CNTNAP2: variants seen among roughly 807,000 people sequenced by gnomAD.
CNTNAP2 encodes contactin associated protein 2.
A neutral mutation model predicts 155.2 loss-of-function variants in CNTNAP2; 98 were observed. The ratio of observed to expected loss-of-function variants is 0.63; its 90% CI spans 0.54 to 0.75. The LOEUF (loss-of-function observed/expected upper bound fraction) is 0.75. Ranked by LOEUF, CNTNAP2 falls within the 30% of genes least tolerant of loss-of-function variation. CNTNAP2 has a pLI of 0.00. For missense variants in CNTNAP2, 1,727 were observed against 1,688.1 expected (o/e 1.02, Z -0.40); for synonymous variants, 651 against 631.2 (o/e 1.03, Z -0.47).
At chr7:146,723,862 C>A (rs1801381712) in intron 1 of CNTNAP2, among the ~76,000 whole-genome samples, 1 of 152,028 alleles carries the variant, frequency 6.6e-6, no homozygotes, top group Non-Finnish European at 1.5e-5. Flanking sequence ...CATTTTGTTC[C>A]CAATGCTCAG....
At chr7:146,521,296 A>C (rs563530904) in intron 1 of CNTNAP2, among the ~76,000 whole-genome samples, 1 of 152,058 alleles carries the variant, frequency 6.6e-6, no homozygotes, top group South Asian at 2.1e-4. Flanking sequence ...GTGTTTCCAT[A>C]AAACTTTACT....
intron 13 of CNTNAP2, among the ~76,000 whole-genome samples, chr7:147,698,285 G>A (rs138110033): frequency 6.6e-6 from 1 of 152,220 alleles, no homozygotes; most frequent in East Asian, 1.9e-4. Context: ...TTATTTTTCA[G>A]TTATGGCTTT....
At chr7:147,604,535 A>C (rs1287905657) in intron 12 of CNTNAP2, among the ~76,000 whole-genome samples, 1 of 152,114 alleles carries the variant, frequency 6.6e-6, no homozygotes, top group Non-Finnish European at 1.5e-5. Context: ...GTTCTCAGCT[A>C]ATCTCTTGCC....
At chr7:147,272,291 C>T (rs1159189436) in intron 8 of CNTNAP2, among the ~76,000 whole-genome samples, 1 of 152,106 alleles carries the variant, frequency 6.6e-6, no homozygotes, top group African/African-American at 2.4e-5. Context: ...TTCCCGACTC[C>T]CTTACATAAT....
intron 8 of CNTNAP2, among the ~76,000 whole-genome samples, chr7:147,243,143 C>T (rs919713116): frequency 2.0e-5 from 3 of 151,226 alleles, no homozygotes; most frequent in African/African-American, 7.3e-5. Context: ...ACTACAGGGG[C>T]CCACCACCAC....
intron 19 of CNTNAP2, among the ~76,000 whole-genome samples, chr7:148,223,272 A>C (rs550228855): frequency 1.1e-4 from 17 of 152,054 alleles, no homozygotes; most frequent in African/African-American, 3.4e-4. Flanking sequence ...ACTTACTTTC[A>C]ATGTCATTTG....
At chr7:146,169,089 C>T (rs1467342896) in intron 1 of CNTNAP2, among the ~76,000 whole-genome samples, 4 of 152,196 alleles carry the variant, frequency 2.6e-5, no homozygotes, top group African/African-American at 9.6e-5. Context: ...TTGCCACTTT[C>T]TGCTATCAGT....
At chr7:147,518,242 A>G (rs1478167008) in intron 11 of CNTNAP2, among the ~76,000 whole-genome samples, 1 of 152,256 alleles carries the variant, frequency 6.6e-6, no homozygotes, top group African/African-American at 2.4e-5. Context: ...AACTTTCTAG[A>G]TAAATGGAAC....
At chr7:147,767,768 AC>A (rs1797405139) in intron 13 of CNTNAP2, among the ~76,000 whole-genome samples, 1 of 152,068 alleles carries the variant, frequency 6.6e-6, no homozygotes, top group African/African-American at 2.4e-5. Context: ...GAATTGGTGT[AC>A]TTTTCAGAGA....
At chr7:146,486,749 T>C (rs1414107396) in intron 1 of CNTNAP2, among the ~76,000 whole-genome samples, 1 of 152,200 alleles carries the variant, frequency 6.6e-6, no homozygotes, top group South Asian at 2.1e-4. Flanking sequence ...GCATATTCTT[T>C]TGGGAGAGCC....
intron 9 of CNTNAP2, among the ~76,000 whole-genome samples, chr7:147,368,512 A>G (rs938582247): frequency 7.2e-5 from 11 of 152,106 alleles, no homozygotes; most frequent in African/African-American, 2.7e-4. Context: ...TGTTCTGTAG[A>G]TGTTACAGAG....
At chr7:146,874,509 T>C (rs901683182) in intron 3 of CNTNAP2, among the ~76,000 whole-genome samples, 1 of 151,962 alleles carries the variant, frequency 6.6e-6, no homozygotes, top group Non-Finnish European at 1.5e-5. Flanking sequence ...CTGGCTAATT[T>C]TTGCATTTTT....
intron 23 of CNTNAP2, among the ~76,000 whole-genome samples, chr7:148,410,565 C>CAAAAA (rs56258191): frequency 1.2e-4 from 13 of 112,840 alleles, no homozygotes; most frequent in Admixed American, 2.2e-4. Context: ...AGACCTTTCT[C>CAAAAA]AAAAAAAAAA....
chr7:146,461,360 G>A (rs1293958256), intron 1 of CNTNAP2, among the ~76,000 whole-genome samples: 1 of 150,932 alleles, frequency 6.6e-6, no homozygotes, highest in Non-Finnish European at 1.5e-5. Flanking sequence ...AGCCAAGAGA[G>A]CACCACTGCA....
At chr7:146,330,011 T>C (rs1044730599) in intron 1 of CNTNAP2, among the ~76,000 whole-genome samples, 2 of 146,134 alleles carry the variant, frequency 1.4e-5, no homozygotes, top group Admixed American at 6.8e-5. Flanking sequence ...ACAAGTACTT[T>C]CTTTTTTTTT....
At chr7:148,312,292 G>C (rs1292623392) in intron 21 of CNTNAP2, among the ~76,000 whole-genome samples, 1 of 152,158 alleles carries the variant, frequency 6.6e-6, no homozygotes, top group African/African-American at 2.4e-5. Flanking sequence ...ATTGGGGTTT[G>C]GGAGATTAGC....
At position 148,383,648 on chromosome 7, in the gene CNTNAP2, G is replaced by GAAAC. The variant is rs747990499; in HGVS notation, c.3477_3480dup (p.Gly1161AsnfsTer5). ...CATTTTCATTTCTTTTTTTCTTTTAGAAACAGGGAAAATTGACCAAGAGAT... is the reference window on the plus strand; with the variant it reads ...CATTTTCATTTCTTTTTTTCTTTTAGAAACAAACAGGGAAAATTGACCAAGAGAT... On this transcript the variant is annotated frameshift_variant and splice_region_variant. Coordinates refer to ENST00000361727, the MANE Select transcript of CNTNAP2 (RefSeq NM_014141.6). LOFTEE classifies it high-confidence loss of function. 6.2e-7 allele frequency: 1 copy of GAAAC among 1,613,986 alleles called. No individual in the cohort carries two copies. Among genetic ancestry groups the GAAAC allele is most frequent in the South Asian group, 1.1e-5 (1 of 91,070 alleles).
chr7:146,658,172 C>T (rs1408029081), intron 1 of CNTNAP2, among the ~76,000 whole-genome samples: 1 of 152,152 alleles, frequency 6.6e-6, no homozygotes, highest in Non-Finnish European at 1.5e-5. Context: ...ACCAACTTTG[C>T]ATAGCGTCCT....
chr7:147,182,258 C>T (rs972974136), intron 8 of CNTNAP2, among the ~76,000 whole-genome samples: 1 of 150,944 alleles, frequency 6.6e-6, no homozygotes, highest in African/African-American at 2.4e-5. Flanking sequence ...GATAGTACAG[C>T]CCATTAATTA....
Sources: allele counts gnomAD v4.1 joint callset (sites outside exome capture counted in the v4.1 genomes callset), GRCh38; gene constraint gnomAD v4.1.1; transcripts MANE v1.5; gene names NCBI Gene and HGNC (gene_info 2026-07-23, HGNC 2026-07-21).